FBXW7: variants seen among roughly 807,000 people sequenced by gnomAD.
The protein encoded by FBXW7 is F-box and WD repeat domain containing 7, also known as F-box/WD repeat-containing protein 7.
FBXW7 carries 11 observed loss-of-function variants against 86.3 expected under a neutral mutation model. The ratio of observed to expected loss-of-function variants is 0.13; its 90% CI spans 0.08 to 0.21. FBXW7 has a LOEUF of 0.21. Ranked by LOEUF, FBXW7 falls within the 10% of genes least tolerant of loss-of-function variation. FBXW7 has a pLI of 1.00. For missense variants in FBXW7, 488 were observed against 847.4 expected (o/e 0.58, Z 5.27); for synonymous variants, 313 against 297.9 (o/e 1.05, Z -0.52).
intron 10 of FBXW7, 179 bp from the exon 11 acceptor site, chr4:152,328,568 C>A: frequency 1.8e-5 from 8 of 432,718 alleles, no homozygotes; most frequent in Non-Finnish European, 2.4e-5. Flanking sequence ...TATTCAAAAG[C>A]ATTATAAATT....
intron 2 of FBXW7, among the ~76,000 whole-genome samples, chr4:152,491,356 AAT>A (rs1745835533): frequency 6.6e-6 from 1 of 152,166 alleles, no homozygotes; most frequent in Non-Finnish European, 1.5e-5. Context: ...AAACAGCAAG[AAT>A]AGATATATCT....
intron 2 of FBXW7, among the ~76,000 whole-genome samples, chr4:152,413,011 G>A (rs1738110507): frequency 6.6e-6 from 1 of 151,810 alleles, no homozygotes; most frequent in African/African-American, 2.4e-5. Context: ...TATCTATATG[G>A]ACATCTTTGA....
At chr4:152,446,147 A>G (rs1045230294) in intron 2 of FBXW7, among the ~76,000 whole-genome samples, 16 of 152,280 alleles carry the variant, frequency 1.1e-4, no homozygotes, top group African/African-American at 3.8e-4. Flanking sequence ...CCCTAATGAC[A>G]TTATCTTTGT....
chr4:152,456,854 C>T (rs1300544607), intron 2 of FBXW7, among the ~76,000 whole-genome samples: 1 of 152,128 alleles, frequency 6.6e-6, no homozygotes, highest in Non-Finnish European at 1.5e-5. Context: ...TATGAATCAG[C>T]CATTCCACTC....
chr4:152,410,504 G>A (rs1188119760), intron 4 of FBXW7, among the ~76,000 whole-genome samples: 1 of 151,936 alleles, frequency 6.6e-6, no homozygotes. Flanking sequence ...GATAGGCTAG[G>A]TAAATTAGGG....
At chr4:152,435,114 T>C (rs890859081) in intron 2 of FBXW7, among the ~76,000 whole-genome samples, 7 of 149,160 alleles carry the variant, frequency 4.7e-5, no homozygotes, top group African/African-American at 1.7e-4. Flanking sequence ...GTTTCCAACA[T>C]GATGCACCAT....
At position 152,329,753 on chromosome 4, in the gene FBXW7, T is replaced by C. The variant is rs1464836208; in HGVS notation, c.1155A>G (p.Thr385=). The stretch of plus-strand genomic sequence containing the variant: ...TTCGGTTACCACAAAACTGTAAGCA[T>C]GTGATCACATGATCATCATGTCCTT... ...VLKGHDDHVI[T]CLQFCGNRIV... Residue 385 remains threonine, a synonymous_variant, in exon 10 of 14, where the codon ACA becomes ACG. Coordinates refer to ENST00000281708, the MANE Select transcript of FBXW7 (RefSeq NM_001349798.2). The C allele has an allele frequency of 6.3e-7, 1 of 1,588,318 alleles. No homozygotes were observed. The highest frequency in any genetic ancestry group is 1.4e-5 in the African/African-American group (1 of 72,978).
intron 2 of FBXW7, among the ~76,000 whole-genome samples, chr4:152,511,852 G>A (rs1461195990): frequency 6.6e-6 from 1 of 152,034 alleles, no homozygotes; most frequent in African/African-American, 2.4e-5. Flanking sequence ...GTGTGTGTAA[G>A]ACATTCTGGA....
intron 4 of FBXW7, among the ~76,000 whole-genome samples, chr4:152,355,017 T>C (rs1732233880): frequency 6.6e-6 from 1 of 152,104 alleles, no homozygotes; most frequent in Admixed American, 6.6e-5. Context: ...CCTAATATCT[T>C]ATGATGTTAA....
At chr4:152,334,411 T>C (rs1401234092) in intron 7 of FBXW7, among the ~76,000 whole-genome samples, 6 of 152,224 alleles carry the variant, frequency 3.9e-5, no homozygotes, top group African/African-American at 1.2e-4. Context: ...AATGTGGTGT[T>C]ACCATTACTA....
At chr4:152,435,643 C>G (rs1740313856) in intron 2 of FBXW7, among the ~76,000 whole-genome samples, 1 of 152,212 alleles carries the variant, frequency 6.6e-6, no homozygotes, top group South Asian at 2.1e-4. Context: ...CTTGTCAGTG[C>G]TCTTCTGAGT....
intron 4 of FBXW7, among the ~76,000 whole-genome samples, chr4:152,398,871 A>G (rs574399846): frequency 2.0e-5 from 3 of 152,256 alleles, no homozygotes; most frequent in African/African-American, 7.2e-5. Flanking sequence ...AAGATTGATA[A>G]AATTGTAACC....
At chr4:152,399,936 A>G (rs1270244816) in intron 4 of FBXW7, among the ~76,000 whole-genome samples, 2 of 152,224 alleles carry the variant, frequency 1.3e-5, no homozygotes, top group Admixed American at 6.5e-5. Flanking sequence ...CAAGTAACAG[A>G]TATCAACGAA....
chr4:152,351,306 T>C (rs1313990964), intron 4 of FBXW7, among the ~76,000 whole-genome samples: 2 of 152,058 alleles, frequency 1.3e-5, no homozygotes. Flanking sequence ...CACGAAGAGT[T>C]TTCTAAAATA....
At position 152,322,651 on chromosome 4, in the gene FBXW7, C is replaced by T. The variant is rs566018747; in HGVS notation, c.*230G>A. 1.5e-5 allele frequency: 9 copies of T among 616,326 alleles called. No individual in the cohort carries two copies. In the African/African-American group the frequency reaches 1.5e-4, roughly 10 times the overall value. 38.2% of individuals were successfully genotyped at this position (616,326 alleles called of 1,614,324 possible). A position where few individuals can be genotyped will look rare whatever the true frequency, so the allele number is the denominator to read the frequency against. On this transcript the variant is annotated 3_prime_UTR_variant, in exon 14 of 14. Coordinates refer to ENST00000281708, the MANE Select transcript of FBXW7 (RefSeq NM_001349798.2). Reference sequence around the variant, plus strand: ...AAGCTGCCCTCAGTCAAAAGTGAAGCCTTTTATGTGATGAGACAGCAGACG... The same window carrying T: ...AAGCTGCCCTCAGTCAAAAGTGAAGTCTTTTATGTGATGAGACAGCAGACG...
chr4:152,486,363 G>A (rs536739247), intron 2 of FBXW7, among the ~76,000 whole-genome samples: 32 of 152,200 alleles, frequency 2.1e-4, no homozygotes, highest in Non-Finnish European at 4.3e-4. Flanking sequence ...AAACTTTTCT[G>A]ACTTTTGTAA....
chr4:152,439,681 A>G (rs2126978388), intron 2 of FBXW7, among the ~76,000 whole-genome samples: 1 of 152,094 alleles, frequency 6.6e-6, no homozygotes, highest in Non-Finnish European at 1.5e-5. Flanking sequence ...TGGCTAACCC[A>G]GTGAAACCCC....
intron 4 of FBXW7, among the ~76,000 whole-genome samples, chr4:152,379,580 G>A (rs1355919871): frequency 6.6e-6 from 1 of 151,984 alleles, no homozygotes; most frequent in Non-Finnish European, 1.5e-5. Flanking sequence ...GTGCAGTGGT[G>A]CCATCACAGC....
At chr4:152,472,764 T>G (rs2149655054) in intron 2 of FBXW7, among the ~76,000 whole-genome samples, 1 of 152,308 alleles carries the variant, frequency 6.6e-6, no homozygotes, top group East Asian at 1.9e-4. Flanking sequence ...ACTTTGTGTA[T>G]GTAAATTATA....
Sources: gnomAD v4.1 joint callset for allele counts (sites outside exome capture counted in the v4.1 genomes callset) on GRCh38, gnomAD v4.1.1 for gene constraint, MANE v1.5 for transcripts, NCBI Gene and HGNC (gene_info 2026-07-23, HGNC 2026-07-21) for gene names.